SGK1: variants seen among roughly 807,000 people sequenced by gnomAD.
SGK1 encodes the protein serine/threonine-protein kinase Sgk1.
In SGK1, 26 loss-of-function variants were observed where a neutral mutation model predicts 64.2. The ratio of observed to expected loss-of-function variants is 0.40; its 90% CI spans 0.30 to 0.56. The LOEUF (loss-of-function observed/expected upper bound fraction) is 0.56, where lower values mean the gene tolerates loss of function less well. SGK1 is among the 20% of genes least tolerant of loss of function. The pLI, the probability that SGK1 is intolerant of heterozygous loss-of-function variation, is 0.38. For synonymous variants in SGK1, 265 were observed against 239.7 expected, an observed-to-expected ratio of 1.11 and a Z score of -0.98; for missense variants, 519 against 645.6, an observed-to-expected ratio of 0.80 and a Z score of 2.12.
At chr6:134,286,773 C>A (rs1777191074) in intron 1 of SGK1, among the ~76,000 whole-genome samples, 2 of 152,012 alleles carry the variant, frequency 1.3e-5, no homozygotes, top group South Asian at 4.1e-4. Context: ...GGCCTAAAAA[C>A]ACAAATTTTT....
chr6:134,262,461 G>A (rs941591053), intron 1 of SGK1, among the ~76,000 whole-genome samples: 2 of 151,340 alleles, frequency 1.3e-5, no homozygotes, highest in Non-Finnish European at 2.9e-5. Context: ...TTAGAGATAG[G>A]GGGGTTTCAC....
intron 2 of SGK1, among the ~76,000 whole-genome samples, chr6:134,229,992 AAAAT>A (rs1440766120): frequency 1.3e-5 from 2 of 152,224 alleles, no homozygotes; most frequent in African/African-American, 4.8e-5. Flanking sequence ...TGCAAAAAAT[AAAAT>A]AAATCAGCTC....
intron 2 of SGK1, among the ~76,000 whole-genome samples, chr6:134,231,751 T>A (rs900121441): frequency 1.3e-5 from 2 of 152,120 alleles, no homozygotes; most frequent in Non-Finnish European, 2.9e-5. Flanking sequence ...TTTTTAATAG[T>A]ATGGAAGGCC....
At chr6:134,307,898 T>G (rs778779044) in intron 1 of SGK1, among the ~76,000 whole-genome samples, 3 of 152,206 alleles carry the variant, frequency 2.0e-5, no homozygotes, top group Admixed American at 6.5e-5. Context: ...TTAAATTGTT[T>G]TTATTGATTC....
chr6:134,281,623 C>T (rs146965725), intron 1 of SGK1, among the ~76,000 whole-genome samples: 160 of 151,488 alleles, frequency 1.1e-3, no homozygotes, highest in African/African-American at 3.7e-3. Flanking sequence ...GCTCAAATGA[C>T]CCTCCCATCT....
chr6:134,193,241 C>T (rs149958647), intron 3 of SGK1, among the ~76,000 whole-genome samples: 34 of 152,098 alleles, frequency 2.2e-4, no homozygotes, highest in African/African-American at 6.0e-4. Flanking sequence ...TTTAGGAGTA[C>T]GTTATAAGTC....
chr6:134,218,386 G>A (rs1020332964), intron 2 of SGK1, among the ~76,000 whole-genome samples: 1 of 151,894 alleles, frequency 6.6e-6, no homozygotes, highest in Admixed American at 6.6e-5. Context: ...GGTGTGAACA[G>A]ACAGACAGAT....
chr6:134,184,389 C>T (rs1443597982), intron 3 of SGK1, among the ~76,000 whole-genome samples: 3 of 151,326 alleles, frequency 2.0e-5, no homozygotes, highest in African/African-American at 4.9e-5. Flanking sequence ...CCTGTAGTCC[C>T]AGCTACTTGG....
intron 3 of SGK1, chr6:134,177,830 C>T (rs758531972): frequency 1.2e-6 from 2 of 1,609,782 alleles, no homozygotes; most frequent in East Asian, 2.2e-5. Flanking sequence ...CATGAGAGCA[C>T]GAGCCAGAGA....
rs527550674 is a variant in SGK1, at chr6:134,303,300, G to A, written c.69+14092C>T. ...CCAGCTACTCAGGAGGCTGAGGCAG[G>A]AGAATGGCGTGAACCTGGGAGGCGG... On this transcript the variant is annotated intron_variant, in intron 1 of 13. Transcript: ENST00000367858. 2.4e-4 allele frequency among the ~76,000 whole-genome samples: 36 copies of A among 152,104 alleles called. 2 individuals carry two copies. The highest frequency in any genetic ancestry group is 1.9e-3 in the Admixed American group (29 of 15,276).
At chr6:134,206,997 G>A (rs373898477) in intron 3 of SGK1, among the ~76,000 whole-genome samples, 274 of 152,216 alleles carry the variant, frequency 1.8e-3, no homozygotes, top group African/African-American at 5.4e-3. Context: ...AGGCCGAGGC[G>A]GGCGAATCAC....
At chr6:134,212,548 G>C (rs1775909445) in intron 2 of SGK1, among the ~76,000 whole-genome samples, 1 of 152,134 alleles carries the variant, frequency 6.6e-6, no homozygotes, top group African/African-American at 2.4e-5. Context: ...CTCTGCCCCA[G>C]AAGACATCCT....
chr6:134,315,121 A>G (rs1777659602), intron 1 of SGK1, among the ~76,000 whole-genome samples: 1 of 152,174 alleles, frequency 6.6e-6, no homozygotes, highest in African/African-American at 2.4e-5. Context: ...CATATTGTTT[A>G]ACTAAAAACA....
At chr6:134,301,592 T>C (rs532357053) in intron 1 of SGK1, among the ~76,000 whole-genome samples, 1 of 136,492 alleles carries the variant, frequency 7.3e-6, no homozygotes, top group African/African-American at 2.8e-5. Context: ...TCTTCCCTTC[T>C]CTTCTCTTTT....
intron 1 of SGK1, among the ~76,000 whole-genome samples, chr6:134,305,403 T>G (rs1461178394): frequency 6.9e-6 from 1 of 145,324 alleles, no homozygotes; most frequent in Non-Finnish European, 1.5e-5. Flanking sequence ...GAAAACCCGG[T>G]TTCTACTAAA....
intron 1 of SGK1, among the ~76,000 whole-genome samples, chr6:134,270,420 T>C (rs1776921619): frequency 6.8e-6 from 1 of 148,058 alleles, no homozygotes; most frequent in Admixed American, 6.9e-5. Flanking sequence ...ACAAACTAGG[T>C]AATAAAAATA....
At chr6:134,199,292 C>A (rs1484472862) in intron 3 of SGK1, among the ~76,000 whole-genome samples, 1 of 152,156 alleles carries the variant, frequency 6.6e-6, no homozygotes, top group Non-Finnish European at 1.5e-5. Flanking sequence ...GGCATGGTGG[C>A]TCACGCCTGT....
intron 2 of SGK1, among the ~76,000 whole-genome samples, chr6:134,234,960 T>A (rs1400389890): frequency 1.3e-5 from 2 of 152,298 alleles, no homozygotes; most frequent in Non-Finnish European, 1.5e-5. Flanking sequence ...ATGAGTCAAG[T>A]ATTGGAAAAA....
intron 1 of SGK1, among the ~76,000 whole-genome samples, chr6:134,271,678 C>T (rs9493879): frequency 0.061 from 8,995 of 147,208 alleles, 1,464 homozygotes; most frequent in East Asian, 0.39. Context: ...CTCATGACAC[C>T]GGGATTTGTT....
Sources: allele counts gnomAD v4.1 joint callset (sites outside exome capture counted in the v4.1 genomes callset), GRCh38; gene constraint gnomAD v4.1.1; transcripts MANE v1.5; gene names NCBI Gene and HGNC (gene_info 2026-07-23, HGNC 2026-07-21).